Variants in L3MBTL2 observed in about 807,000 individuals in gnomAD.
L3MBTL2 encodes the protein L3MBTL histone methyl-lysine binding protein 2, also known as lethal(3)malignant brain tumor-like protein 2.
L3MBTL2 carries 49 observed loss-of-function variants against 86.4 expected under a neutral mutation model. That is an observed-to-expected ratio of 0.57 (90% CI 0.45 to 0.72). L3MBTL2 has a LOEUF of 0.72. Ranked by LOEUF, L3MBTL2 falls within the 30% of genes least tolerant of loss-of-function variation. The probability of loss-of-function intolerance (pLI) is 0.00; values close to 1 mark genes in which losing one functional copy is unlikely to be tolerated. For synonymous variants in L3MBTL2, 336 were observed against 350.6 expected, an observed-to-expected ratio of 0.96 and a Z score of 0.47; for missense variants, 755 against 923.7, an observed-to-expected ratio of 0.82 and a Z score of 2.37.
chr22:41,205,535 G>A (rs1601477147), intron 1 of L3MBTL2, 149 bp downstream of exon 1: 2 of 957,964 alleles, frequency 2.1e-6, no homozygotes, highest in East Asian at 2.4e-5. Flanking sequence ...CAGGGGCAGA[G>A]GCAATTGACG....
intron 1 of L3MBTL2, among the ~76,000 whole-genome samples, chr22:41,205,753 G>T (rs2030161110): frequency 1.3e-5 from 2 of 152,094 alleles, no homozygotes; most frequent in African/African-American, 4.8e-5. Context: ...AAAGTTGGGT[G>T]AACATCACTC....
intron 2 of L3MBTL2, chr22:41,210,149 T>C (rs1029356120): frequency 2.0e-5 from 9 of 452,904 alleles, no homozygotes; most frequent in South Asian, 4.4e-5. Flanking sequence ...ATTTCTTTTT[T>C]TTTTTTTTTT....
In L3MBTL2 at chr22:41,224,473, C is replaced by A. The variant is rs750508537; in HGVS notation, c.1174+222C>A. Among the ~76,000 whole-genome samples, 11 of 152,174 alleles carry A rather than the reference C, an allele frequency of 7.2e-5. No homozygotes were observed. Among genetic ancestry groups the A allele is most frequent in the African/African-American group, 2.7e-4 (11 of 41,428 alleles). On this transcript the variant is annotated intron_variant, in intron 9 of 16. Transcript: ENST00000216237. The surrounding 1 kb of genome is among the most constrained non-coding windows in gnomAD (Gnocchi z 4.9). Reference sequence around the variant, plus strand: ...ATTTGAACCCAGATGCTACCAGCCCCGATCCTCTCCCCTGTCAATGCGGGA... The same window carrying A: ...ATTTGAACCCAGATGCTACCAGCCCAGATCCTCTCCCCTGTCAATGCGGGA...
In L3MBTL2 at chr22:41,219,501, G is replaced by T; in HGVS notation, c.683G>T (p.Arg228Leu). 2 of 1,613,780 alleles carry T rather than the reference G, an allele frequency of 1.2e-6. No individual in the cohort carries two copies. The highest frequency in any genetic ancestry group is 1.7e-6 in the Non-Finnish European group (2 of 1,179,778). ...VLNSDAVLPS[R>L]VYWIASVIQT... ...AACAGTGATGCTGTGCTCCCCAGCC[G>T]GGTGTACTGGATCGCCTCTGTCATC... The change falls in exon 6 of 17, where the codon CGG becomes CTG. Residue 228 changes from arginine (R) to leucine (L), a missense_variant. By Grantham distance (102) the Arg-to-Leu change is moderately radical (BLOSUM62 -2). Transcript: ENST00000216237.
At chr22:41,205,674 C>T (rs1333300031) in intron 1 of L3MBTL2, among the ~76,000 whole-genome samples, 2 of 152,046 alleles carry the variant, frequency 1.3e-5, no homozygotes, top group African/African-American at 2.4e-5. Context: ...CCTTATCCTG[C>T]TTGTCTCGTG....
At chr22:41,210,423 G>C (rs944124420) in intron 2 of L3MBTL2, among the ~76,000 whole-genome samples, 3 of 152,062 alleles carry the variant, frequency 2.0e-5, no homozygotes, top group African/African-American at 7.2e-5. Flanking sequence ...TCTGCCTCCC[G>C]GGTTCACACC....
chr22:41,219,258 A>C lies in L3MBTL2; in HGVS notation c.601-161A>C, dbSNP rs909188619. On this transcript the variant is annotated intron_variant, in intron 5 of 16. Coordinates refer to ENST00000216237, the MANE Select transcript of L3MBTL2 (RefSeq NM_031488.5). ...ACTCCCGGCTTAGCTCTTCAAGGAC[A>C]GGAGACCTCATCTCTTTATCTCTAG... The C allele has an allele frequency of 1.0e-5, 6 of 593,798 alleles. 1 individual carries two copies. In the African/African-American group the frequency reaches 1.1e-4, roughly 11 times the overall value. The allele number at this position is 593,798 out of a possible 1,614,324, so 36.8% of individuals were successfully genotyped here. A position where few individuals can be genotyped will look rare whatever the true frequency, so the allele number is the denominator to read the frequency against.
intron 16 of L3MBTL2, 180 bp downstream of exon 16, chr22:41,229,836 A>G (rs2032461312): frequency 9.4e-7 from 1 of 1,059,264 alleles, no homozygotes; most frequent in Non-Finnish European, 1.4e-6. Context: ...CCAACTGTGA[A>G]TGGAGCTGAG....
rs1362634358 is a variant in L3MBTL2, at chr22:41,211,591, C to T, written c.262+1658C>T. Reference sequence around the variant, plus strand: ...TTTTTTTTTGAGACGGAGTCTTGCTCTGTCACCCAGGCTGGAATGCAGTGA... The same window carrying T: ...TTTTTTTTTGAGACGGAGTCTTGCTTTGTCACCCAGGCTGGAATGCAGTGA... On this transcript the variant is annotated intron_variant, in intron 2 of 16. Coordinates refer to ENST00000216237, the MANE Select transcript of L3MBTL2 (RefSeq NM_031488.5). 1.7e-3 allele frequency among the ~76,000 whole-genome samples: 183 copies of T among 104,900 alleles called. 3 individuals carry two copies. The highest frequency in any genetic ancestry group is 7.0e-3 in the African/African-American group (172 of 24,622). The allele number at this position is 104,900 out of a possible 152,430, so 68.8% of individuals were successfully genotyped here.
chr22:41,217,974 C>T (rs1212101699), intron 5 of L3MBTL2: 4 of 152,286 alleles, frequency 2.6e-5, no homozygotes, highest in African/African-American at 9.6e-5. Flanking sequence ...AGGTGCACCT[C>T]CTTCCTGCTG....
chr22:41,230,162 G>A lies in L3MBTL2; in HGVS notation c.2029G>A (p.Glu677Lys), dbSNP rs1555922213. 1 of 1,523,890 alleles carries A rather than the reference G, an allele frequency of 6.6e-7. No individual in the cohort carries two copies. The highest frequency in any genetic ancestry group is 1.4e-5 in the African/African-American group (1 of 70,762). The allele number at this position is 1,523,890 out of a possible 1,614,324, so 94.4% of individuals were successfully genotyped here. A position where few individuals can be genotyped will look rare whatever the true frequency, so the allele number is the denominator to read the frequency against. The change falls in exon 17 of 17, where the codon GAG becomes AAG. Residue 677 changes from glutamate (E) to lysine (K), a missense_variant. Glu to Lys is a moderately conservative substitution (Grantham distance 56). Transcript: ENST00000216237. ...GEIIAVRVKE[E>K]HLDVASPDKA... ...AGTCATTGCTGTGCGTGTGAAGGAAGAGCATCTAGACGTGGCCTCGCCCGA... is the reference window on the plus strand; with the variant it reads ...AGTCATTGCTGTGCGTGTGAAGGAAAAGCATCTAGACGTGGCCTCGCCCGA...
In L3MBTL2 at chr22:41,227,541, A is replaced by G; in HGVS notation, c.1822+218A>G. 1.3e-6 allele frequency: 2 copies of G among 1,503,488 alleles called. No individual in the cohort carries two copies. Among genetic ancestry groups the G allele is most frequent in the Non-Finnish European group, 1.8e-6 (2 of 1,105,408 alleles). 93.1% of individuals were successfully genotyped at this position (1,503,488 alleles called of 1,614,324 possible). A position where few individuals can be genotyped will look rare whatever the true frequency, so the allele number is the denominator to read the frequency against. The stretch of plus-strand genomic sequence containing the variant: ...CAGAGCTCCTTCCTTCATCTTGCCC[A>G]CTCTGTCATATGTTCGTGCCCTTGT... On this transcript the variant is annotated intron_variant, in intron 14 of 16. Coordinates refer to ENST00000216237, the MANE Select transcript of L3MBTL2 (RefSeq NM_031488.5). This position sits in a 1 kb window ranked among gnomAD's most constrained non-coding sequence, Gnocchi z 6.0.
chr22:41,217,144 G>T lies in L3MBTL2; in HGVS notation c.542G>T (p.Trp181Leu), dbSNP rs1267936606. The change falls in exon 5 of 17, where the codon TGG becomes TTG. Residue 181 changes from tryptophan (W) to leucine (L), a missense_variant. Physicochemically the swap from Trp to Leu is moderately conservative, Grantham distance 61. Transcript: ENST00000216237. ...GQDALVLGFD[W>L]GKFLKDHSYK... ...GCAGCTCTGGTCTTGGGCTTCGACT[G>T]GGGGAAGTTCCTGAAGGATCACAGT... 2 of 1,613,668 alleles carry T rather than the reference G, an allele frequency of 1.2e-6. No homozygotes were observed.
intron 15 of L3MBTL2, chr22:41,228,260 G>T: frequency 1.0e-6 from 1 of 985,450 alleles, no homozygotes; most frequent in Non-Finnish European, 1.2e-6. Context: ...TCTCTCCAAG[G>T]CTGTCATTCT....
intron 2 of L3MBTL2, among the ~76,000 whole-genome samples, chr22:41,212,263 A>G (rs549832587): frequency 6.6e-6 from 1 of 152,308 alleles, no homozygotes; most frequent in South Asian, 2.1e-4. Context: ...CTTAGGATTT[A>G]GAACTAGAAG....
At chr22:41,230,079 G>GGGCC in intron 16 of L3MBTL2, 60 bp from the exon 17 acceptor site, 23 of 532,616 alleles carry the variant, frequency 4.3e-5, no homozygotes, top group Non-Finnish European at 5.3e-5. Context: ...CAGCTCCTCC[G>GGGCC]CCCCCACCCC....
chr22:41,213,891 A>G lies in L3MBTL2; in HGVS notation c.263-2A>G. 6.2e-7 allele frequency: 1 copy of G among 1,614,116 alleles called. No individual in the cohort carries two copies. Among genetic ancestry groups the G allele is most frequent in the Non-Finnish European group, 8.5e-7 (1 of 1,180,008 alleles). On this transcript the variant is annotated splice_acceptor_variant, in intron 2 of 16. Transcript: ENST00000216237. LOFTEE classifies it high-confidence loss of function. ...GAGTCATGTGCTAAGTTCTCTTCCCAGCTGTCTGTGAGATGTGTGGTATCG... is the reference window on the plus strand; with the variant it reads ...GAGTCATGTGCTAAGTTCTCTTCCCGGCTGTCTGTGAGATGTGTGGTATCG...
At position 41,221,208 on chromosome 22, in the gene L3MBTL2, C is replaced by T. The variant is rs1366581443; in HGVS notation, c.863C>T (p.Ala288Val). ...GCTGGTGCCTCCACAGCCATCCATG[C>T]CAAGTTCACCGACTGGAAGGGCTAC... Reference protein sequence around the residue: ...KILVPPRTIHAKFTDWKGYLM... With the variant: ...KILVPPRTIHVKFTDWKGYLM... Residue 288 changes from alanine (A) to valine (V), a missense_variant, in exon 8 of 17, where the codon GCC becomes GTC. Physicochemically the swap from Ala to Val is moderately conservative, Grantham distance 64. Around this residue, in one of 3 missense-constraint regions of L3MBTL2, gnomAD observed 634 missense variants for 748.9 expected, o/e 0.85. Transcript: ENST00000216237. The T allele has an allele frequency of 6.5e-7, 1 of 1,549,954 alleles. No homozygotes were observed. The highest frequency in any genetic ancestry group is 8.7e-7 in the Non-Finnish European group (1 of 1,145,610).
At chr22:41,216,930 T>C (rs1245357715) in intron 4 of L3MBTL2, 193 bp from the exon 5 acceptor site, 2 of 562,802 alleles carry the variant, frequency 3.6e-6, no homozygotes, top group Non-Finnish European at 3.2e-6. Flanking sequence ...AATTCAGTCC[T>C]CAACAGTGGT....
Sources: gnomAD v4.1 joint callset for allele counts (sites outside exome capture counted in the v4.1 genomes callset) on GRCh38, gnomAD v4.1.1 for gene constraint, gnomAD v4.1.1 regional missense constraint, Gnocchi (gnomAD v3.1) non-coding constraint, MANE v1.5 for transcripts, NCBI Gene and HGNC (gene_info 2026-07-23, HGNC 2026-07-21) for gene names.